The following MYBL2 variants were observed in gnomAD, a reference collection of about 807,000 sequenced individuals.
MYBL2 encodes myb-related protein B.
A neutral mutation model predicts 79.9 loss-of-function variants in MYBL2; 28 were observed. The ratio of observed to expected loss-of-function variants is 0.35; its 90% CI spans 0.26 to 0.48. MYBL2 has a LOEUF of 0.48. Ranked by LOEUF, MYBL2 falls within the 20% of genes least tolerant of loss-of-function variation. MYBL2 has a pLI of 0.99. For missense variants in MYBL2, 735 were observed against 893.9 expected, an observed-to-expected ratio of 0.82 and a Z score of 2.27; for synonymous variants, 378 against 361.2, an observed-to-expected ratio of 1.05 and a Z score of -0.53.
At chr20:43,680,669 A>AT (rs1195019232) in intron 2 of MYBL2, among the ~76,000 whole-genome samples, 6 of 151,288 alleles carry the variant, frequency 4.0e-5, no homozygotes, top group African/African-American at 7.3e-5. Context: ...TAATTTTTGT[A>AT]TTTTTAATAG....
chr20:43,710,385 C>G (rs1454865730), intron 10 of MYBL2, among the ~76,000 whole-genome samples: 1 of 152,206 alleles, frequency 6.6e-6, no homozygotes, highest in African/African-American at 2.4e-5. Flanking sequence ...AAGATAAGCA[C>G]TGGGCCTAGT....
At position 43,667,172 on chromosome 20, in the gene MYBL2, C is replaced by A; in HGVS notation, c.-112C>A. On this transcript the variant is annotated 5_prime_UTR_variant, in exon 1 of 14. Transcript: ENST00000217026. ...CTGCTGACACGCTGACGCCTTCGAGCGCGGCCCGGGGCCCGGAGCGGCCGG... is the reference window on the plus strand; with the variant it reads ...CTGCTGACACGCTGACGCCTTCGAGAGCGGCCCGGGGCCCGGAGCGGCCGG... 1 of 657,998 alleles carries A rather than the reference C, an allele frequency of 1.5e-6. No individual in the cohort carries two copies. Among genetic ancestry groups the A allele is most frequent in the Non-Finnish European group, 2.0e-6 (1 of 492,542 alleles). The allele number at this position is 657,998 out of a possible 1,614,324, so 40.8% of individuals were successfully genotyped here. A position where few individuals can be genotyped will look rare whatever the true frequency, so the allele number is the denominator to read the frequency against.
chr20:43,695,340 C>T (rs1352633652), intron 6 of MYBL2, among the ~76,000 whole-genome samples: 1 of 152,134 alleles, frequency 6.6e-6, no homozygotes, highest in East Asian at 1.9e-4. Flanking sequence ...CATGCCGGGC[C>T]TGTGTTGATT....
In MYBL2 at chr20:43,715,754, G is replaced by T. The variant is rs112159613; in HGVS notation, c.1975-205G>T. ...GGGCAGTGCATGGCCATGTCTCCTT[G>T]TCCAGCGTCCTACTTACAGTTGAGG... On this transcript the variant is annotated intron_variant, in intron 13 of 13. Transcript: ENST00000217026. Among the ~76,000 whole-genome samples the T allele has an allele frequency of 2.8e-3, 420 of 152,238 alleles. 4 individuals are homozygous for T. The highest frequency in any genetic ancestry group is 9.7e-3 in the African/African-American group (404 of 41,530).
chr20:43,703,008 G>C (rs1490891410), intron 8 of MYBL2, 105 bp downstream of exon 8: 13 of 1,274,372 alleles, frequency 1.0e-5, no homozygotes, highest in Middle Eastern at 4.0e-4. Flanking sequence ...CCCTCATGCA[G>C]CTTATGCTCT....
chr20:43,670,532 G>A (rs1015054157), intron 1 of MYBL2, among the ~76,000 whole-genome samples: 3 of 152,014 alleles, frequency 2.0e-5, no homozygotes, highest in African/African-American at 7.2e-5. Context: ...TCATTTATTT[G>A]TATATTCAGT....
intron 5 of MYBL2, among the ~76,000 whole-genome samples, chr20:43,689,234 G>A (rs1172852155): frequency 6.6e-6 from 1 of 152,138 alleles, no homozygotes; most frequent in African/African-American, 2.4e-5. Flanking sequence ...TGTCATGGCA[G>A]TGTGGTCCTG....
chr20:43,710,242 C>T (rs1057257523), intron 10 of MYBL2, among the ~76,000 whole-genome samples, 180 bp downstream of exon 10: 2 of 152,152 alleles, frequency 1.3e-5, no homozygotes, highest in African/African-American at 2.4e-5. Context: ...TCACTTCCTC[C>T]GACTGCTCCT....
At chr20:43,700,529 T>C (rs956979267) in intron 7 of MYBL2, among the ~76,000 whole-genome samples, 2 of 152,052 alleles carry the variant, frequency 1.3e-5, no homozygotes, top group Non-Finnish European at 2.9e-5. Context: ...GTTGGCTGTG[T>C]GGTTGTGTCC....
intron 5 of MYBL2, among the ~76,000 whole-genome samples, chr20:43,687,568 T>C (rs1230656608): frequency 6.6e-6 from 1 of 152,230 alleles, no homozygotes; most frequent in Non-Finnish European, 1.5e-5. Context: ...TAAATGACTC[T>C]ACTAAAACAG....
intron 6 of MYBL2, among the ~76,000 whole-genome samples, chr20:43,698,080 T>TTTTTTTTTG (rs149530290): frequency 6.5e-5 from 8 of 122,512 alleles, no homozygotes; most frequent in African/African-American, 1.5e-4. Flanking sequence ...TTTTTTTTTT[T>TTTTTTTTTG]ATCTTGTTAC....
chr20:43,712,392 C>T (rs936823421), intron 11 of MYBL2, among the ~76,000 whole-genome samples: 5 of 152,110 alleles, frequency 3.3e-5, no homozygotes, highest in Admixed American at 1.3e-4. Context: ...AGAACTTGGC[C>T]TCTGGCCTCC....
chr20:43,706,109 G>A (rs1987777452), intron 9 of MYBL2, among the ~76,000 whole-genome samples: 1 of 152,208 alleles, frequency 6.6e-6, no homozygotes, highest in South Asian at 2.1e-4. Context: ...TTACAGGCGT[G>A]AGCTACTGCA....
At chr20:43,708,135 C>G (rs1389040200) in intron 9 of MYBL2, among the ~76,000 whole-genome samples, 1 of 152,192 alleles carries the variant, frequency 6.6e-6, no homozygotes. Context: ...CAGTCTTGCT[C>G]TGTCCCCAAG....
At chr20:43,681,701 T>G (rs1987146426) in intron 2 of MYBL2, 83 bp from the exon 3 acceptor site, 4 of 1,401,574 alleles carry the variant, frequency 2.9e-6, no homozygotes, top group Non-Finnish European at 4.1e-6. Flanking sequence ...GAGGCTGTTC[T>G]TTTAGATTGG....
rs1194011594 is a variant in MYBL2, at chr20:43,699,647, TG to T, written c.664-107del. On this transcript the variant is annotated intron_variant, in intron 6 of 13. Coordinates refer to ENST00000217026, the MANE Select transcript of MYBL2 (RefSeq NM_002466.4). ...TTATTCTGTAGAATGTTTCTCTATTTGGGTTCATCACAGTTTCCTTCTTAGA... is the reference window on the plus strand; with the variant it reads ...TTATTCTGTAGAATGTTTCTCTATTTGGTTCATCACAGTTTCCTTCTTAGA... 3 of 1,134,882 alleles carry T rather than the reference TG, an allele frequency of 2.6e-6. No homozygotes were observed. The African/African-American group carries it at 4.7e-5, about 18-fold the overall frequency. 70.3% of individuals were successfully genotyped at this position (1,134,882 alleles called of 1,614,324 possible).
intron 4 of MYBL2, among the ~76,000 whole-genome samples, chr20:43,683,556 T>C (rs1449085933): frequency 2.0e-5 from 3 of 147,288 alleles, no homozygotes; most frequent in Non-Finnish European, 3.0e-5. Flanking sequence ...TAGGCATTTT[T>C]TTTTTTTTTT....
intron 9 of MYBL2, among the ~76,000 whole-genome samples, chr20:43,708,434 CTTT>C (rs200919465): frequency 6.6e-6 from 1 of 151,756 alleles, no homozygotes; most frequent in African/African-American, 2.4e-5. Context: ...TATATACACT[CTTT>C]TTTTTCTTTT....
chr20:43,714,475 G>A (rs1467742649), intron 12 of MYBL2, among the ~76,000 whole-genome samples: 5 of 152,120 alleles, frequency 3.3e-5, no homozygotes, highest in African/African-American at 1.2e-4. Flanking sequence ...GGGCTGCACG[G>A]CACCCATCCC....
Sources: allele counts gnomAD v4.1 joint callset (sites outside exome capture counted in the v4.1 genomes callset), GRCh38; gene constraint gnomAD v4.1.1; transcripts MANE v1.5; gene names NCBI Gene and HGNC (gene_info 2026-07-23, HGNC 2026-07-21).